The following PSMD1 variants were observed in gnomAD, a reference collection of about 807,000 sequenced individuals.
PSMD1 encodes the protein proteasome 26S subunit, non-ATPase 1.
In PSMD1, 18 loss-of-function variants were observed where a neutral mutation model predicts 119.0. That is an observed-to-expected ratio of 0.15 (90% CI 0.10 to 0.22). PSMD1 has a LOEUF of 0.22. Ranked by LOEUF, PSMD1 falls within the 10% of genes least tolerant of loss-of-function variation. PSMD1 has a pLI of 1.00. For synonymous variants in PSMD1, 374 were observed against 396.6 expected (o/e 0.94, Z 0.68); for missense variants, 702 against 1,158.5 (o/e 0.61, Z 5.72).
intron 11 of PSMD1, 142 bp from the exon 12 acceptor site, chr2:231,079,999 A>C (rs1362212683): frequency 1.6e-5 from 11 of 674,762 alleles, no homozygotes; most frequent in Non-Finnish European, 2.5e-5. Flanking sequence ...TGAGTTATAC[A>C]ATTATATGAG....
chr2:231,063,223 G>A (rs1450176006), intron 4 of PSMD1, among the ~76,000 whole-genome samples: 1 of 152,166 alleles, frequency 6.6e-6, no homozygotes, highest in Non-Finnish European at 1.5e-5. Context: ...TATTTTTGAA[G>A]GAAGGGGATA....
chr2:231,092,734 G>T lies in PSMD1; in HGVS notation c.1883+5553G>T, dbSNP rs530009179. 4.3e-4 allele frequency among the ~76,000 whole-genome samples: 66 copies of T among 152,290 alleles called. 1 individual carries two copies. Among genetic ancestry groups the T allele is most frequent in the African/African-American group, 1.5e-3 (64 of 41,556 alleles). ...TGGAGTCTACGGGCTTGTCCTCCAT[G>T]ACAGACCTCCCAGCCAAAGTGGAAT... is the stretch of plus-strand genomic sequence containing the variant. On this transcript the variant is annotated intron_variant, in intron 16 of 24. Transcript: ENST00000308696.
At position 231,062,204 on chromosome 2, in the gene PSMD1, A is replaced by G. The variant is rs1693776922; in HGVS notation, c.61-44A>G. ...GAAAAGAATTTTTTAAGGAAGTGTA[A>G]TGATAAGTCTATCTCAAAATAGGAT... On this transcript the variant is annotated intron_variant, in intron 2 of 24. Coordinates refer to ENST00000308696, the MANE Select transcript of PSMD1 (RefSeq NM_002807.4). 8.2e-6 allele frequency: 11 copies of G among 1,337,704 alleles called. No homozygotes were observed. In the East Asian group the frequency reaches 2.5e-4, roughly 31 times the overall value. 82.9% of individuals were successfully genotyped at this position (1,337,704 alleles called of 1,614,324 possible).
At chr2:231,068,712 T>C (rs755252320) in intron 5 of PSMD1, among the ~76,000 whole-genome samples, 1 of 152,196 alleles carries the variant, frequency 6.6e-6, no homozygotes, top group Non-Finnish European at 1.5e-5. Context: ...GCCACCTTGC[T>C]TATCAGATTG....
At position 231,062,659 on chromosome 2, in the gene PSMD1, T is replaced by C. The variant is rs1477291941; in HGVS notation, c.288T>C (p.Tyr96=). The C allele has an allele frequency of 3.1e-6, 5 of 1,606,810 alleles. No individual in the cohort carries two copies. The highest frequency in any genetic ancestry group is 4.2e-6 in the Non-Finnish European group (5 of 1,177,358). Residue 96 remains tyrosine (Y), a synonymous_variant, in exon 4 of 25, where the codon TAT becomes TAC. Coordinates refer to ENST00000308696, the MANE Select transcript of PSMD1 (RefSeq NM_002807.4). ...TCAATGTCAATGATAACTCTGAATA[T>C]GTGGAAACTATTATAGGTAATTATC... ...DLFNVNDNSE[Y]VETIIAKCID... is the part of the protein sequence containing the mutation.
chr2:231,122,073 AT>A (rs1695564310), intron 16 of PSMD1, among the ~76,000 whole-genome samples: 1 of 152,102 alleles, frequency 6.6e-6, no homozygotes, highest in African/African-American at 2.4e-5. Context: ...TTTCTTAATT[AT>A]TTTTCATGGT....
At chr2:231,065,968 C>A (rs7564129) in intron 4 of PSMD1, among the ~76,000 whole-genome samples, 5 of 151,934 alleles carry the variant, frequency 3.3e-5, no homozygotes, top group Admixed American at 2.6e-4. Context: ...TTTTACTGTA[C>A]CTTTTCTGTG....
chr2:231,107,708 G>A (rs1695010161), intron 16 of PSMD1, among the ~76,000 whole-genome samples: 2 of 152,206 alleles, frequency 1.3e-5, no homozygotes, highest in Non-Finnish European at 2.9e-5. Context: ...TTGAGTCACT[G>A]GACAAGCATA....
chr2:231,089,649 A>G (rs1268281535), intron 16 of PSMD1, among the ~76,000 whole-genome samples: 3 of 151,988 alleles, frequency 2.0e-5, no homozygotes, highest in Non-Finnish European at 2.9e-5. Context: ...AACAATCACA[A>G]GGTCCCACAA....
At chr2:231,108,431 A>G in intron 16 of PSMD1, 2 of 938,244 alleles carry the variant, frequency 2.1e-6, no homozygotes, top group South Asian at 1.5e-5. Flanking sequence ...ATGACATAAA[A>G]TTCTTTATAT....
intron 16 of PSMD1, among the ~76,000 whole-genome samples, chr2:231,101,579 G>A (rs1358976601): frequency 6.6e-6 from 1 of 152,160 alleles, no homozygotes; most frequent in East Asian, 1.9e-4. Context: ...TCTGTTGTGG[G>A]TAGAATAGCA....
intron 16 of PSMD1, chr2:231,113,855 T>TGGATGCGGTTGAAAAGAGAAC: frequency 6.2e-7 from 1 of 1,614,114 alleles, no homozygotes; most frequent in Admixed American, 1.7e-5. Flanking sequence ...AGATGCATGA[T>TGGATGCGGTTGAAAAGAGAAC]GGATGCGGTT....
intron 20 of PSMD1, among the ~76,000 whole-genome samples, chr2:231,161,965 A>G (rs1398227273): frequency 4.6e-5 from 7 of 152,236 alleles, no homozygotes; most frequent in Admixed American, 3.3e-4. Flanking sequence ...TAAATCTTCC[A>G]GAGTTATCTG....
intron 18 of PSMD1, 40 bp downstream of exon 18, chr2:231,146,396 G>A: frequency 6.7e-7 from 1 of 1,484,482 alleles, no homozygotes; most frequent in Non-Finnish European, 9.4e-7. Flanking sequence ...GAGATGGTTT[G>A]GTCTTTTCTT....
At position 231,113,777 on chromosome 2, in the gene PSMD1, G is replaced by A. The variant is rs181580625; in HGVS notation, c.1884-24959G>A. 36 of 1,613,966 alleles carry A rather than the reference G, an allele frequency of 2.2e-5. No individual in the cohort carries two copies. In the Middle Eastern group the frequency reaches 6.6e-4, roughly 29 times the overall value. On this transcript the variant is annotated intron_variant, in intron 16 of 24. Transcript: ENST00000308696. The stretch of plus-strand genomic sequence containing the variant: ...GTAATCTTGATGAATGCTGTAGCCC[G>A]TGAGTTATATTGATTGGCCTGGATT...
intron 18 of PSMD1, 30 bp from the exon 19 acceptor site, chr2:231,153,534 A>G: frequency 6.9e-7 from 1 of 1,447,544 alleles, no homozygotes; most frequent in Non-Finnish European, 9.7e-7. Flanking sequence ...GAGTAGACTT[A>G]GACTATAATT....
rs761439387 is a variant in PSMD1, at chr2:231,061,279, C to T, written c.29C>T (p.Ser10Phe). The stretch of plus-strand genomic sequence containing the variant: ...TTTTTTCTCATAGCTGGAATTATTT[C>T]TCTTCTGGATGAAGATGAACCACAG... MITSAAGII[S>F]LLDEDEPQLK... The change falls in exon 2 of 25, where the codon TCT becomes TTT. Residue 10 changes from serine (S) to phenylalanine (F), a missense_variant. By Grantham distance (155) the Ser-to-Phe change is radical. Around this residue, in one of 9 missense-constraint regions of PSMD1, gnomAD observed 60 missense variants for 118.2 expected, o/e 0.51. Coordinates refer to ENST00000308696, the MANE Select transcript of PSMD1 (RefSeq NM_002807.4). 1 of 1,595,556 alleles carries T rather than the reference C, an allele frequency of 6.3e-7. No individual in the cohort carries two copies. The highest frequency in any genetic ancestry group is 8.6e-7 in the Non-Finnish European group (1 of 1,165,550).
chr2:231,117,740 C>A (rs2125221978), intron 16 of PSMD1, among the ~76,000 whole-genome samples: 1 of 152,244 alleles, frequency 6.6e-6, no homozygotes, highest in East Asian at 1.9e-4. Flanking sequence ...ATACCTTCCA[C>A]AGAAAAGAGA....
chr2:231,057,399 G>A (rs2125145948), intron 1 of PSMD1, among the ~76,000 whole-genome samples: 1 of 152,342 alleles, frequency 6.6e-6, no homozygotes, highest in African/African-American at 2.4e-5. Flanking sequence ...CTTGCCCGCA[G>A]GGGGCCGGGG....
Sources: gnomAD v4.1 joint callset for allele counts (sites outside exome capture counted in the v4.1 genomes callset) on GRCh38, gnomAD v4.1.1 for gene constraint, gnomAD v4.1.1 regional missense constraint, MANE v1.5 for transcripts, NCBI Gene and HGNC (gene_info 2026-07-23, HGNC 2026-07-21) for gene names.